The following CNTN2 variants were observed in gnomAD, a reference collection of about 807,000 sequenced individuals.
The protein encoded by CNTN2 is contactin-2.
Under a neutral mutation model 117.5 loss-of-function variants are expected in CNTN2, and 53 were observed. That is an observed-to-expected ratio of 0.45 (90% CI 0.36 to 0.57). The LOEUF (loss-of-function observed/expected upper bound fraction) is 0.57, where lower values mean the gene tolerates loss of function less well. Among genes scored for constraint, CNTN2 ranks in the 20% least tolerant of loss-of-function variants. CNTN2 has a pLI of 0.00. For synonymous variants in CNTN2, 530 were observed against 561.7 expected (o/e 0.94, Z 0.80); for missense variants, 1,106 against 1,404.3 (o/e 0.79, Z 3.39).
intron 2 of CNTN2, among the ~76,000 whole-genome samples, chr1:205,055,568 G>C (rs554854640): frequency 6.6e-6 from 1 of 152,256 alleles, no homozygotes; most frequent in African/African-American, 2.4e-5. Flanking sequence ...TCTAAGACTT[G>C]GTCTCCTGAG....
chr1:205,068,694 C>T (rs1001756387), intron 16 of CNTN2: 6 of 152,236 alleles, frequency 3.9e-5, no homozygotes, highest in East Asian at 3.8e-4. Flanking sequence ...CTCAGTCTTT[C>T]CACCCTGAAA....
At position 205,065,926 on chromosome 1, in the gene CNTN2, C is replaced by T; in HGVS notation, c.1816+17C>T. On this transcript the variant is annotated intron_variant, in intron 14 of 22. Coordinates refer to ENST00000331830, the MANE Select transcript of CNTN2 (RefSeq NM_005076.5). This position sits in a 1 kb window ranked among gnomAD's most constrained non-coding sequence, Gnocchi z 4.1. ...TGGTCCGAGGTGAGGGGTTTCCCACCTCTACCCCTACCCCAACTCCCTTAA... is the reference window on the plus strand; with the variant it reads ...TGGTCCGAGGTGAGGGGTTTCCCACTTCTACCCCTACCCCAACTCCCTTAA... The T allele has an allele frequency of 1.3e-6, 2 of 1,598,352 alleles. No homozygotes were observed. The highest frequency in any genetic ancestry group is 1.7e-6 in the Non-Finnish European group (2 of 1,171,534).
chr1:205,075,722 C>T lies in CNTN2; in HGVS notation c.*1957C>T, dbSNP rs563665556. Reference sequence around the variant, plus strand: ...CCCACCCCTAGCCCAGGTCAGCTTTCCTGGAGCTGGCTAATGAAAGCCTCC... The same window carrying T: ...CCCACCCCTAGCCCAGGTCAGCTTTTCTGGAGCTGGCTAATGAAAGCCTCC... On this transcript the variant is annotated 3_prime_UTR_variant, in exon 23 of 23. Coordinates refer to ENST00000331830, the MANE Select transcript of CNTN2 (RefSeq NM_005076.5). 21 of 114,630 alleles carry T rather than the reference C, an allele frequency of 1.8e-4. No individual in the cohort carries two copies. The highest frequency in any genetic ancestry group is 6.4e-4 in the Admixed American group (5 of 7,822). 7.1% of individuals were successfully genotyped at this position (114,630 alleles called of 1,614,324 possible).
chr1:205,052,129 A>C (rs752624490), intron 1 of CNTN2, among the ~76,000 whole-genome samples: 1 of 152,244 alleles, frequency 6.6e-6, no homozygotes, highest in East Asian at 1.9e-4. Flanking sequence ...AGAGCAGAGC[A>C]GCAGAATCTG....
chr1:205,050,177 AC>A, intron 1 of CNTN2, among the ~76,000 whole-genome samples: 1 of 152,116 alleles, frequency 6.6e-6, no homozygotes, highest in Non-Finnish European at 1.5e-5. Context: ...AGGTCCCGAC[AC>A]CTCTCTATTC....
rs1653997385 is a variant in CNTN2 at position 205,061,832 on chromosome 1, T to C, written c.974-33T>C. ...TAATGAGCTGGAAGCTCCTCCTAGC[T>C]CATGCCAGGTTTTCTTTTCCGGGCT... On this transcript the variant is annotated intron_variant, in intron 8 of 22. Transcript: ENST00000331830. The surrounding 1 kb of genome is among the most constrained non-coding windows in gnomAD (Gnocchi z 4.8). 6.7e-7 allele frequency: 1 copy of C among 1,502,750 alleles called. No homozygotes were observed. Among genetic ancestry groups the C allele is most frequent in the Admixed American group, 2.3e-5 (1 of 43,296 alleles). 93.1% of individuals were successfully genotyped at this position (1,502,750 alleles called of 1,614,324 possible). A position where few individuals can be genotyped will look rare whatever the true frequency, so the allele number is the denominator to read the frequency against.
chr1:205,068,412 C>G, intron 16 of CNTN2: 1 of 152,228 alleles, frequency 6.6e-6, no homozygotes, highest in East Asian at 1.9e-4. Flanking sequence ...TCTAGAATCA[C>G]TCAACATTTT....
At position 205,073,242 on chromosome 1, in the gene CNTN2, G is replaced by C. The variant is rs781436489; in HGVS notation, c.3013+6G>C. On this transcript the variant is annotated splice_donor_region_variant and intron_variant, in intron 22 of 22. Coordinates refer to ENST00000331830, the MANE Select transcript of CNTN2 (RefSeq NM_005076.5). The surrounding 1 kb of genome is among the most constrained non-coding windows in gnomAD (Gnocchi z 6.3). ...CCACATCGTGAGGAATGGAGGTGCT[G>C]CTCCTCCCCTACCCTTATCCCCTCG... is the stretch of plus-strand genomic sequence containing the variant. 3.8e-5 allele frequency: 62 copies of C among 1,613,512 alleles called. No homozygotes were observed. The Admixed American group carries it at 6.2e-4, about 16-fold the overall frequency.
At chr1:205,069,434 T>C in intron 16 of CNTN2, 57 bp from the exon 17 acceptor site, 1 of 1,575,370 alleles carries the variant, frequency 6.3e-7, no homozygotes, top group Non-Finnish European at 8.7e-7. Flanking sequence ...GGCTCAGGGC[T>C]TTCATTTTTT....
chr1:205,069,681 C>G lies in CNTN2; in HGVS notation c.2196+120C>G, dbSNP rs12096342. 4,956 of 1,395,228 alleles carry G rather than the reference C, an allele frequency of 3.6e-3. 130 individuals carry two copies. In the African/African-American group the frequency reaches 0.054, roughly 15 times the overall value. 86.4% of individuals were successfully genotyped at this position (1,395,228 alleles called of 1,614,324 possible). Reference sequence around the variant, plus strand: ...ACGCGGATAACTTCCTGTCCCCCTTCCACGCACCCGCTGCCCCTTACGCGA... The same window carrying G: ...ACGCGGATAACTTCCTGTCCCCCTTGCACGCACCCGCTGCCCCTTACGCGA... On this transcript the variant is annotated intron_variant, in intron 17 of 22. Coordinates refer to ENST00000331830, the MANE Select transcript of CNTN2 (RefSeq NM_005076.5).
At position 205,070,490 on chromosome 1, in the gene CNTN2, C is replaced by A; in HGVS notation, c.2496C>A (p.Thr832=). The A allele has an allele frequency of 1.2e-6, 2 of 1,614,032 alleles. No individual in the cohort carries two copies. Among genetic ancestry groups the A allele is most frequent in the Non-Finnish European group, 1.7e-6 (2 of 1,179,978 alleles). The change falls in exon 19 of 23, where the codon ACC becomes ACA. Residue 832 remains threonine, a synonymous_variant. Coordinates refer to ENST00000331830, the MANE Select transcript of CNTN2 (RefSeq NM_005076.5). The part of the protein sequence containing the change: ...KGVSSSEMNV[T]WEPVQQDMNG... The stretch of plus-strand genomic sequence containing the variant: ...TCTCATCCTCAGAGATGAACGTGAC[C>A]TGGGAACCCGTGCAGCAGGACATGA...
Position 205,061,538 on chromosome 1 carries a change from C to A in CNTN2, c.973+118C>A, listed in dbSNP as rs1293139187. ...GAGACTGGGAGGCCCCCTGCATGAG[C>A]CTGCTTGCCCTAGGACTGCACTGAG... On this transcript the variant is annotated intron_variant, in intron 8 of 22. Transcript: ENST00000331830. This position sits in a 1 kb window ranked among gnomAD's most constrained non-coding sequence, Gnocchi z 4.8. 1 of 1,218,724 alleles carries A rather than the reference C, an allele frequency of 8.2e-7. No individual in the cohort carries two copies. The highest frequency in any genetic ancestry group is 1.1e-6 in the Non-Finnish European group (1 of 889,614). The allele number at this position is 1,218,724 out of a possible 1,614,324, so 75.5% of individuals were successfully genotyped here.
chr1:205,061,863 A>G lies in CNTN2; in HGVS notation c.974-2A>G. ...CAGGTTTTCTTTTCCGGGCTCCCAC[A>G]GCTCAGCCTGAGTGGCTAAAAGTGA... On this transcript the variant is annotated splice_acceptor_variant, in intron 8 of 22. Coordinates refer to ENST00000331830, the MANE Select transcript of CNTN2 (RefSeq NM_005076.5). LOFTEE classifies it high-confidence loss of function. The surrounding 1 kb of genome is among the most constrained non-coding windows in gnomAD (Gnocchi z 4.8). The G allele has an allele frequency of 2.0e-6, 3 of 1,516,538 alleles. No homozygotes were observed. The highest frequency in any genetic ancestry group is 2.7e-6 in the Non-Finnish European group (3 of 1,131,418). The allele number at this position is 1,516,538 out of a possible 1,614,324, so 93.9% of individuals were successfully genotyped here.
chr1:205,062,407 T>C (rs1186127219), intron 9 of CNTN2, 33 bp from the exon 10 acceptor site: 2 of 1,590,786 alleles, frequency 1.3e-6, no homozygotes, highest in Non-Finnish European at 1.7e-6. Flanking sequence ...CCTGTGGTCC[T>C]GATCCCCCTG....
In CNTN2 at chr1:205,074,278, C is replaced by T. The variant is rs1253761078; in HGVS notation, c.*513C>T. 4.9e-6 allele frequency: 2 copies of T among 406,598 alleles called. No homozygotes were observed. Among genetic ancestry groups the T allele is most frequent in the Non-Finnish European group, 8.7e-6 (2 of 230,228 alleles). The allele number at this position is 406,598 out of a possible 1,614,324, so 25.2% of individuals were successfully genotyped here. ...CTCTCCCGCCTTCTCCCTCGAGCAG[C>T]AGCAAGGACCCTGACGCTGTCCCCG... On this transcript the variant is annotated 3_prime_UTR_variant, in exon 23 of 23. Coordinates refer to ENST00000331830, the MANE Select transcript of CNTN2 (RefSeq NM_005076.5).
Position 205,061,245 on chromosome 1 carries a change from C to A in CNTN2, c.798C>A (p.Asn266Lys). ...QVTLECFAFG[N>K]PVPRIKWRKV... ...CCTCTGGCTTTGTCTCTCCTGCCAG[C>A]CCTGTCCCCCGGATCAAGTGGCGCA... Residue 266 changes from asparagine to lysine, a missense_variant and splice_region_variant, in exon 8 of 23, where the codon AAC becomes AAA. Coordinates refer to ENST00000331830, the MANE Select transcript of CNTN2 (RefSeq NM_005076.5). The surrounding 1 kb of genome is among the most constrained non-coding windows in gnomAD (Gnocchi z 4.8). 2 of 1,605,954 alleles carry A rather than the reference C, an allele frequency of 1.2e-6. No homozygotes were observed. Among genetic ancestry groups the A allele is most frequent in the Non-Finnish European group, 1.7e-6 (2 of 1,174,400 alleles).
Position 205,046,966 on chromosome 1 carries a change from G to GCT in CNTN2, c.-87+3572_-87+3573insCT, listed in dbSNP as rs1202399798. 6.6e-4 allele frequency among the ~76,000 whole-genome samples: 101 copies of GCT among 152,230 alleles called. 3 individuals are homozygous for GCT. The East Asian group carries it at 0.016, about 24-fold the overall frequency. On this transcript the variant is annotated intron_variant, in intron 1 of 22. Transcript: ENST00000331830. Reference sequence around the variant, plus strand: ...AGTAGGTCTCTCTTGCAGGGGCAAAGACTCTAGGCTCAGATCAAGGGCCAG... The same window carrying GCT: ...AGTAGGTCTCTCTTGCAGGGGCAAAGCTACTCTAGGCTCAGATCAAGGGCCAG...
At chr1:205,060,979 C>A (rs1002368617) in intron 7 of CNTN2, 18 of 431,816 alleles carry the variant, frequency 4.2e-5, no homozygotes, top group Non-Finnish European at 6.2e-5. Context: ...AGGGTGCAGA[C>A]CCCGCAGAAG....
rs747208674 is a variant in CNTN2 at position 205,059,588 on chromosome 1, C to T, written c.703C>T (p.Arg235Trp). ...GTAAAACCCTCTCTCCCCAGATACC[C>T]GGCTCTTTGCACCCAGCATCAAGGC... ...AQLNLAAEDT[R>W]LFAPSIKARF... Residue 235 changes from arginine to tryptophan, a missense_variant, in exon 7 of 23, where the codon CGG (arginine) becomes TGG (tryptophan). Arg to Trp is a moderately radical substitution (Grantham distance 101). Transcript: ENST00000331830. This position sits in a 1 kb window ranked among gnomAD's most constrained non-coding sequence, Gnocchi z 5.6. 3.7e-5 allele frequency: 60 copies of T among 1,613,984 alleles called. No homozygotes were observed. Among genetic ancestry groups the T allele is most frequent in the Admixed American group, 3.3e-5 (2 of 60,008 alleles).
Sources: allele counts gnomAD v4.1 joint callset (sites outside exome capture counted in the v4.1 genomes callset), GRCh38; gene constraint gnomAD v4.1.1; non-coding constraint Gnocchi (gnomAD v3.1); transcripts MANE v1.5; gene names NCBI Gene and HGNC (gene_info 2026-07-23, HGNC 2026-07-21).